BCLAF3: variants seen among roughly 807,000 people sequenced by gnomAD.
BCLAF3 encodes BCLAF1 and THRAP3 family member 3, also known as transient octamer binding factor 1.
Under a neutral mutation model 51.2 loss-of-function variants are expected in BCLAF3, and 24 were observed. The observed-to-expected ratio is 0.47, with a 90% confidence interval of 0.34 to 0.66. BCLAF3 has a LOEUF of 0.66. BCLAF3 is among the 30% of genes least tolerant of loss of function. BCLAF3 has a pLI of 0.01. For synonymous variants in BCLAF3, 152 were observed against 176.6 expected, an observed-to-expected ratio of 0.86 and a Z score of 1.10; for missense variants, 465 against 525.1, an observed-to-expected ratio of 0.89 and a Z score of 1.12.
chrX:19,917,322 C>T lies in BCLAF3; in HGVS notation c.2119G>A (p.Val707Ile), dbSNP rs148702756. The part of the protein sequence containing the change: ...LMRKKKEYTD[V>I]ATGI ...ATTTCAGATTAGATTCCTGTGGCAA[C>T]ATCTGTATATTCCTATTGAGAGAAA... The change falls in exon 12 of 12, where the codon GTT (valine) becomes ATT (isoleucine). Residue 707 changes from valine (V) to isoleucine (I), a missense_variant. Val to Ile is a conservative substitution (Grantham distance 29, BLOSUM62 3). Coordinates refer to ENST00000379682, the MANE Select transcript of BCLAF3 (RefSeq NM_001367774.2). The T allele has an allele frequency of 3.3e-6, 4 of 1,197,167 alleles. No individual in the cohort carries two copies. The African/African-American group carries it at 7.0e-5, about 21-fold the overall frequency.
At chrX:19,942,103 G>C (rs1321382224) in intron 8 of BCLAF3, among the ~76,000 whole-genome samples, 5 of 74,876 alleles carry the variant, frequency 6.7e-5, no homozygotes, top group African/African-American at 1.3e-4. Flanking sequence ...GAATGCTTGT[G>C]ATTTTTGTAC....
At chrX:19,962,963 T>C (rs886604196) in intron 4 of BCLAF3, among the ~76,000 whole-genome samples, 1 of 108,348 alleles carries the variant, frequency 9.2e-6, no homozygotes, top group Non-Finnish European at 1.9e-5. Context: ...TGCAGGCCTG[T>C]AGTCCCAGCT....
intron 1 of BCLAF3, among the ~76,000 whole-genome samples, chrX:19,982,476 G>A (rs933182296): frequency 2.7e-5 from 3 of 109,458 alleles, no homozygotes; most frequent in Non-Finnish European, 5.7e-5. Context: ...TCTTCAGTAA[G>A]GAGGAGCACG....
chrX:19,974,502 T>C (rs907606689), intron 1 of BCLAF3, among the ~76,000 whole-genome samples: 2 of 112,117 alleles, frequency 1.8e-5, no homozygotes, highest in Non-Finnish European at 3.8e-5. Context: ...AGAAAATATT[T>C]ACAAGCGACA....
rs2069865740 is a variant in BCLAF3 at position 19,913,851 on chromosome X, A to G, written c.*3454T>C. 8.9e-6 allele frequency: 1 copy of G among 112,102 alleles called. No homozygotes were observed. The highest frequency in any genetic ancestry group is 9.5e-5 in the Admixed American group (1 of 10,574). 9.2% of individuals were successfully genotyped at this position (112,102 alleles called of 1,213,427 possible). ...CCCACTTTACCTCCTCCATGTCTGA[A>G]TTTGTCAATGTACATTAATTTTTCT... is the stretch of plus-strand genomic sequence containing the variant. On this transcript the variant is annotated 3_prime_UTR_variant, in exon 12 of 12. Coordinates refer to ENST00000379682, the MANE Select transcript of BCLAF3 (RefSeq NM_001367774.2).
intron 1 of BCLAF3, among the ~76,000 whole-genome samples, chrX:19,982,840 T>G (rs1486618170): frequency 3.6e-5 from 4 of 111,120 alleles, no homozygotes; most frequent in Non-Finnish European, 5.7e-5. Flanking sequence ...ACAATAAATG[T>G]GGGTGGGCTT....
intron 11 of BCLAF3, among the ~76,000 whole-genome samples, chrX:19,923,563 C>A (rs1452133779): frequency 9.0e-6 from 1 of 111,598 alleles, no homozygotes; most frequent in Non-Finnish European, 1.9e-5. Context: ...AACCATCAAT[C>A]ACCACAATCA....
chrX:19,969,974 A>T (rs757528753), intron 2 of BCLAF3, among the ~76,000 whole-genome samples: 5 of 112,455 alleles, frequency 4.4e-5, no homozygotes, highest in African/African-American at 1.6e-4. Flanking sequence ...AAAAAATGTA[A>T]TACTCTCAAA....
rs746762487 is a variant in BCLAF3, at chrX:19,969,129, A to T, written c.41+1095T>A. Among the ~76,000 whole-genome samples the T allele has an allele frequency of 1.3e-4, 15 of 111,748 alleles. No homozygotes were observed. The East Asian group carries it at 2.3e-3, about 17-fold the overall frequency. On this transcript the variant is annotated intron_variant, in intron 2 of 11. Transcript: ENST00000379682. Reference sequence around the variant, plus strand: ...TTCCATCTCAAAACAAAATAAAAATAAAAAAAATAAAAATAAATGACCTCT... The same window carrying T: ...TTCCATCTCAAAACAAAATAAAAATTAAAAAAATAAAAATAAATGACCTCT...
At chrX:19,967,720 T>C (rs1055227169) in intron 2 of BCLAF3, among the ~76,000 whole-genome samples, 3 of 112,014 alleles carry the variant, frequency 2.7e-5, no homozygotes, top group Non-Finnish European at 5.6e-5. Context: ...CCTTGCAGCT[T>C]CTGTTATGGC....
intron 11 of BCLAF3, among the ~76,000 whole-genome samples, chrX:19,920,310 C>T (rs2070101923): frequency 8.9e-6 from 1 of 111,732 alleles, no homozygotes; most frequent in Middle Eastern, 4.2e-3. Flanking sequence ...GCTGATTTTG[C>T]TCTCTATTCT....
chrX:19,937,054 T>C (rs764239507), intron 9 of BCLAF3, among the ~76,000 whole-genome samples: 31 of 111,511 alleles, frequency 2.8e-4, no homozygotes, highest in African/African-American at 9.4e-4. Flanking sequence ...TTATATTTTT[T>C]TGTAGAGATG....
intron 4 of BCLAF3, 67 bp from the exon 5 acceptor site, chrX:19,955,633 A>C: frequency 1.1e-6 from 1 of 936,102 alleles, no homozygotes; most frequent in Non-Finnish European, 1.5e-6. Context: ...TTTATCAAAA[A>C]TTAAGATAGC....
At chrX:19,968,762 C>T (rs113885427) in intron 2 of BCLAF3, among the ~76,000 whole-genome samples, 4 of 112,983 alleles carry the variant, frequency 3.5e-5, no homozygotes, top group African/African-American at 9.6e-5. Flanking sequence ...GGAACTCAGG[C>T]ACTAAGCTTG....
At chrX:19,933,384 A>G (rs1334934958) in intron 10 of BCLAF3, among the ~76,000 whole-genome samples, 1 of 112,372 alleles carries the variant, frequency 8.9e-6, no homozygotes, top group Non-Finnish European at 1.9e-5. Flanking sequence ...AGAGTACTTA[A>G]TAACAGGAAA....
At chrX:19,962,647 TGGA>T (rs1416252396) in intron 4 of BCLAF3, among the ~76,000 whole-genome samples, 1 of 112,156 alleles carries the variant, frequency 8.9e-6, no homozygotes, top group Non-Finnish European at 1.9e-5. Flanking sequence ...AAAAATAAGG[TGGA>T]ACAATAGATG....
Position 19,915,306 on chromosome X carries a change from G to A in BCLAF3, c.*1999C>T, listed in dbSNP as rs769865671. ...AATATTTAATGAACTCTTACCACACGTCAAATAGGAAGCTGGGTGCTGGGG... is the reference window on the plus strand; with the variant it reads ...AATATTTAATGAACTCTTACCACACATCAAATAGGAAGCTGGGTGCTGGGG... On this transcript the variant is annotated 3_prime_UTR_variant, in exon 12 of 12. Coordinates refer to ENST00000379682, the MANE Select transcript of BCLAF3 (RefSeq NM_001367774.2). 9.0e-5 allele frequency: 10 copies of A among 111,160 alleles called. No individual in the cohort carries two copies. Among genetic ancestry groups the A allele is most frequent in the Admixed American group, 7.7e-4 (8 of 10,393 alleles). 9.2% of individuals were successfully genotyped at this position (111,160 alleles called of 1,213,427 possible).
chrX:19,975,711 A>T (rs2072407682), intron 1 of BCLAF3, among the ~76,000 whole-genome samples: 1 of 110,970 alleles, frequency 9.0e-6, no homozygotes, highest in African/African-American at 3.3e-5. Context: ...CTGGTCTCAA[A>T]CTCTTAGGCT....
intron 6 of BCLAF3, among the ~76,000 whole-genome samples, chrX:19,953,477 A>G (rs1228632557): frequency 1.8e-5 from 2 of 112,025 alleles, no homozygotes; most frequent in East Asian, 5.6e-4. Context: ...TCATTCTTCT[A>G]CTGAGGACCT....
Sources: allele counts gnomAD v4.1 joint callset (sites outside exome capture counted in the v4.1 genomes callset), GRCh38; gene constraint gnomAD v4.1.1; transcripts MANE v1.5; gene names NCBI Gene and HGNC (gene_info 2026-07-23, HGNC 2026-07-21).